NIN: variants seen among roughly 807,000 people sequenced by gnomAD.
The protein encoded by NIN is glycogen synthase kinase 3 beta-interacting protein.
A neutral mutation model predicts 257.6 loss-of-function variants in NIN; 137 were observed. That is an observed-to-expected ratio of 0.53 (90% CI 0.46 to 0.61). NIN has a LOEUF of 0.61. Ranked by LOEUF, NIN falls within the 20% of genes least tolerant of loss-of-function variation. The pLI, the probability that NIN is intolerant of heterozygous loss-of-function variation, is 0.00. For missense variants in NIN, 2,439 were observed against 2,501.2 expected (o/e 0.98, Z 0.53); for synonymous variants, 918 against 919.8 (o/e 1.00, Z 0.04).
chr14:50,778,409 C>A (rs2043002334), intron 6 of NIN, among the ~76,000 whole-genome samples: 1 of 152,164 alleles, frequency 6.6e-6, no homozygotes, highest in Admixed American at 6.5e-5. Flanking sequence ...TTCCAGTAAT[C>A]CTCCTGCCTT....
chr14:50,736,670 G>A (rs997227654), intron 27 of NIN, among the ~76,000 whole-genome samples: 48 of 152,154 alleles, frequency 3.2e-4, no homozygotes, highest in African/African-American at 1.1e-3. Flanking sequence ...CTAATGAGCA[G>A]CTAAATGAAA....
intron 22 of NIN, among the ~76,000 whole-genome samples, chr14:50,745,036 C>G (rs1274133125): frequency 6.6e-6 from 1 of 152,236 alleles, no homozygotes; most frequent in Non-Finnish European, 1.5e-5. Flanking sequence ...TGTACTCTTC[C>G]TTTCAGAAGG....
chr14:50,827,752 G>T lies in NIN; in HGVS notation c.-22+2712C>A, dbSNP rs141943300. 5.9e-3 allele frequency among the ~76,000 whole-genome samples: 412 copies of T among 70,416 alleles called. 4 individuals carry two copies. Among genetic ancestry groups the T allele is most frequent in the African/African-American group, 0.017 (378 of 21,770 alleles). The allele number at this position is 70,416 out of a possible 152,430, so 46.2% of individuals were successfully genotyped here. A position where few individuals can be genotyped will look rare whatever the true frequency, so the allele number is the denominator to read the frequency against. ...AGCCCAGGAGAGAGCGAGAGACTCC[G>T]TATCAAAAAAAAAAAAAAAAAGAAA... On this transcript the variant is annotated intron_variant, in intron 2 of 30. Transcript: ENST00000530997.
At chr14:50,767,749 G>A (rs1445724882) in intron 12 of NIN, among the ~76,000 whole-genome samples, 3 of 151,482 alleles carry the variant, frequency 2.0e-5, no homozygotes, top group East Asian at 1.9e-4. Context: ...CCCGGGAGGT[G>A]GAGCTTGCAG....
chr14:50,768,112 G>C (rs2042582607), intron 12 of NIN, among the ~76,000 whole-genome samples: 1 of 147,040 alleles, frequency 6.8e-6, no homozygotes. Context: ...CGTGCCATTT[G>C]ACATTTTTCT....
chr14:50,776,956 T>C lies in NIN; in HGVS notation c.659A>G (p.Asp220Gly). Residue 220 changes from aspartate to glycine, a missense_variant, in exon 7 of 31, where the codon GAT becomes GGT. Transcript: ENST00000530997. ...TTATACTGCGAGGCTTACCTCTCCA[T>C]CCACATTCTGTAAACCATACTGCTC... is the stretch of plus-strand genomic sequence containing the variant. Reference protein sequence around the residue: ...ICEQYGLQNVDGEMLEEVFHN... With the variant: ...ICEQYGLQNVGGEMLEEVFHN... 6.2e-7 allele frequency: 1 copy of C among 1,611,772 alleles called. No individual in the cohort carries two copies.
chr14:50,746,482 A>G (rs2041546904), intron 22 of NIN, among the ~76,000 whole-genome samples: 1 of 152,210 alleles, frequency 6.6e-6, no homozygotes, highest in South Asian at 2.1e-4. Context: ...GGGTTTTATA[A>G]TGCTATTAAA....
At chr14:50,777,205 A>G in intron 6 of NIN, 66 bp from the exon 7 acceptor site, 1 of 1,275,364 alleles carries the variant, frequency 7.8e-7, no homozygotes, top group Non-Finnish European at 1.1e-6. Context: ...CTATTCTTAA[A>G]GAAAACTGTG....
chr14:50,770,873 C>T lies in NIN; in HGVS notation c.1238G>A (p.Arg413Gln), dbSNP rs753154349. ...TCACCTGAGGTTGTACTCATTCCGC[C>T]GCTCTATGGCCGCATGGTGATCATC... is the stretch of plus-strand genomic sequence containing the variant. ...EVDDHHAAIE[R>Q]RNEYNLRKLD... The change falls in exon 11 of 31, where the codon CGG (arginine) becomes CAG (glutamine). Residue 413 changes from arginine to glutamine, a missense_variant. Arg to Gln is a conservative substitution (Grantham distance 43, BLOSUM62 1). Transcript: ENST00000530997. 6.2e-6 allele frequency: 10 copies of T among 1,613,752 alleles called. No homozygotes were observed. Among genetic ancestry groups the T allele is most frequent in the Admixed American group, 1.7e-5 (1 of 59,976 alleles).
intron 15 of NIN, among the ~76,000 whole-genome samples, chr14:50,762,703 A>G (rs987122502): frequency 1.3e-5 from 2 of 152,226 alleles, no homozygotes; most frequent in African/African-American, 2.4e-5. Context: ...GCTTGTACAC[A>G]GAAGAAAAGA....
At position 50,831,137 on chromosome 14, in the gene NIN, G is replaced by A. The variant is rs2045688199; in HGVS notation, c.-207C>T. On this transcript the variant is annotated 5_prime_UTR_variant, in exon 1 of 31. Coordinates refer to ENST00000530997, the MANE Select transcript of NIN (RefSeq NM_020921.4). The stretch of plus-strand genomic sequence containing the variant: ...CCCGGCTCGGCCGCGGCCACCCGGA[G>A]CTCTGGACGCCGGGGAGGAAGGGCC... 6.7e-6 allele frequency: 1 copy of A among 150,194 alleles called. No homozygotes were observed. Among genetic ancestry groups the A allele is most frequent in the South Asian group, 2.1e-4 (1 of 4,836 alleles). The allele number at this position is 150,194 out of a possible 1,614,324, so 9.3% of individuals were successfully genotyped here.
Position 50,771,478 on chromosome 14 carries a change from A to C in NIN, c.982-10T>G, listed in dbSNP as rs752617234. 6.2e-7 allele frequency: 1 copy of C among 1,613,482 alleles called. No individual in the cohort carries two copies. Among genetic ancestry groups the C allele is most frequent in the South Asian group, 1.1e-5 (1 of 90,972 alleles). On this transcript the variant is annotated splice_polypyrimidine_tract_variant and intron_variant, in intron 9 of 30. Transcript: ENST00000530997. Reference sequence around the variant, plus strand: ...GGCTGAAATCCAAGGCCTAGAAATCAGAGCAAGGCGTAAATTCAAAAACAA... The same window carrying C: ...GGCTGAAATCCAAGGCCTAGAAATCCGAGCAAGGCGTAAATTCAAAAACAA...
intron 12 of NIN, among the ~76,000 whole-genome samples, chr14:50,767,372 TAATGCAG>T (rs1448835257): frequency 1.3e-5 from 2 of 152,258 alleles, no homozygotes; most frequent in East Asian, 3.8e-4. Flanking sequence ...ACTGAAATTA[TAATGCAG>T]GCCACGTATG....
At chr14:50,750,581 TC>T (rs35214786) in intron 21 of NIN, among the ~76,000 whole-genome samples, 75,161 of 151,998 alleles carry the variant, frequency 0.49, 18,847 homozygotes, top group Admixed American at 0.56. Flanking sequence ...GTTCATCTTG[TC>T]TTTAGCCTGG....
At chr14:50,819,735 T>C (rs207474838) in intron 3 of NIN, among the ~76,000 whole-genome samples, 3 of 152,266 alleles carry the variant, frequency 2.0e-5, no homozygotes, top group Non-Finnish European at 2.9e-5. Context: ...AATTAATGAA[T>C]AGATTAATAT....
chr14:50,771,453 G>A lies in NIN; in HGVS notation c.997C>T (p.Leu333Phe). The A allele has an allele frequency of 6.2e-7, 1 of 1,614,036 alleles. No homozygotes were observed. Residue 333 changes from leucine (L) to phenylalanine (F), a missense_variant, in exon 10 of 31, where the codon CTC becomes TTC. Physicochemically the swap from Leu to Phe is conservative, Grantham distance 22. This residue lies in a region of NIN where 387 missense variants were observed against 427.3 expected (regional missense o/e 0.91). Coordinates refer to ENST00000530997, the MANE Select transcript of NIN (RefSeq NM_020921.4). Reference protein sequence around the residue: ...QEILKALDFSLDGNINLTELT... With the variant: ...QEILKALDFSFDGNINLTELT... The stretch of plus-strand genomic sequence containing the variant: ...TCTGTCAAATTGATGTTTCCATCGA[G>A]GCTGAAATCCAAGGCCTAGAAATCA...
At chr14:50,808,879 T>C (rs1386364278) in intron 3 of NIN, among the ~76,000 whole-genome samples, 1 of 152,178 alleles carries the variant, frequency 6.6e-6, no homozygotes, top group Admixed American at 6.5e-5. Context: ...ATACTACCAA[T>C]AGCTATAGTA....
chr14:50,767,389 G>A (rs529340202), intron 12 of NIN, among the ~76,000 whole-genome samples: 6 of 152,186 alleles, frequency 3.9e-5, no homozygotes, highest in African/African-American at 7.2e-5. Context: ...GGCCACGTAT[G>A]TGTATCTATT....
At chr14:50,785,474 T>TTTTTTG (rs755452705) in intron 5 of NIN, among the ~76,000 whole-genome samples, 3 of 152,148 alleles carry the variant, frequency 2.0e-5, no homozygotes, top group Non-Finnish European at 1.5e-5. Context: ...AGAGTTGTGG[T>TTTTTTG]TTTTTGTTTT....
Sources: gnomAD v4.1 joint callset for allele counts (sites outside exome capture counted in the v4.1 genomes callset) on GRCh38, gnomAD v4.1.1 for gene constraint, gnomAD v4.1.1 regional missense constraint, MANE v1.5 for transcripts, NCBI Gene and HGNC (gene_info 2026-07-23, HGNC 2026-07-21) for gene names.